Variants in ITCH observed in about 807,000 individuals in gnomAD.
ITCH encodes the protein E3 ubiquitin-protein ligase Itchy homolog.
In ITCH, 28 loss-of-function variants were observed where a neutral mutation model predicts 126.8. The ratio of observed to expected loss-of-function variants is 0.22; its 90% CI spans 0.16 to 0.30. The LOEUF is 0.30. Ranked by LOEUF, ITCH falls within the 10% of genes least tolerant of loss-of-function variation. The pLI is 1.00. For missense variants in ITCH, 631 were observed against 1,032.4 expected, an observed-to-expected ratio of 0.61 and a Z score of 5.33; for synonymous variants, 342 against 340.0, an observed-to-expected ratio of 1.01 and a Z score of -0.06.
At chr20:34,386,577 C>T (rs2038291880) in intron 2 of ITCH, among the ~76,000 whole-genome samples, 1 of 152,070 alleles carries the variant, frequency 6.6e-6, no homozygotes, top group Non-Finnish European at 1.5e-5. Flanking sequence ...AGCAGTTTTT[C>T]TCCTTAGTTT....
intron 20 of ITCH, among the ~76,000 whole-genome samples, chr20:34,488,446 G>T (rs1989285857): frequency 1.3e-5 from 2 of 152,096 alleles, no homozygotes; most frequent in Non-Finnish European, 2.9e-5. Flanking sequence ...TGGGCGTGGT[G>T]GTTCGTGCCT....
At chr20:34,450,521 G>T (rs1985065179) in intron 12 of ITCH, among the ~76,000 whole-genome samples, 1 of 152,192 alleles carries the variant, frequency 6.6e-6, no homozygotes, top group Non-Finnish European at 1.5e-5. Flanking sequence ...ACCCTACTAG[G>T]TTCTATTTTA....
chr20:34,364,879 A>T lies in ITCH; in HGVS notation c.-99+1530A>T, dbSNP rs188960915. Among the ~76,000 whole-genome samples the T allele has an allele frequency of 2.1e-3, 259 of 123,486 alleles. 9 individuals are homozygous for T. The highest frequency in any genetic ancestry group is 0.019 in the East Asian group (76 of 3,930). 81.0% of individuals were successfully genotyped at this position (123,486 alleles called of 152,430 possible). ...GCACTCCAGCCTGGGCGACAGAGCG[A>T]GACTCCGCCTCAAAAAAAAAAAAAA... On this transcript the variant is annotated intron_variant, in intron 1 of 24. Coordinates refer to ENST00000374864, the MANE Select transcript of ITCH (RefSeq NM_031483.7).
At chr20:34,383,818 C>G (rs1601768348) in intron 2 of ITCH, among the ~76,000 whole-genome samples, 1 of 149,776 alleles carries the variant, frequency 6.7e-6, no homozygotes, top group Admixed American at 6.7e-5. Flanking sequence ...CATGAGCCAC[C>G]AGGACTGGTC....
intron 2 of ITCH, among the ~76,000 whole-genome samples, chr20:34,391,952 A>G (rs1348775229): frequency 1.3e-5 from 2 of 152,320 alleles, no homozygotes; most frequent in South Asian, 4.1e-4. Flanking sequence ...TTTTCTTGCA[A>G]TAAATTATTA....
At chr20:34,439,013 C>T (rs1426161941) in intron 8 of ITCH, among the ~76,000 whole-genome samples, 1 of 152,046 alleles carries the variant, frequency 6.6e-6, no homozygotes, top group Non-Finnish European at 1.5e-5. Context: ...AACGAAAACC[C>T]AACAATGCTA....
intron 6 of ITCH, among the ~76,000 whole-genome samples, chr20:34,423,907 C>T (rs184260571): frequency 9.7e-4 from 148 of 152,246 alleles, no homozygotes; most frequent in Admixed American, 2.0e-3. Context: ...CTGGCTCCTC[C>T]AACACTGTTA....
At chr20:34,479,549 C>T (rs1600455205) in intron 17 of ITCH, 81 bp from the exon 18 acceptor site, 1 of 1,151,334 alleles carries the variant, frequency 8.7e-7, no homozygotes, top group East Asian at 2.4e-5. Flanking sequence ...GGGTATAGAT[C>T]CCTGAGAACT....
chr20:34,364,941 T>G (rs1238381672), intron 1 of ITCH, among the ~76,000 whole-genome samples: 4 of 147,316 alleles, frequency 2.7e-5, no homozygotes, highest in Non-Finnish European at 6.0e-5. Context: ...GGCTCACGCC[T>G]GTAATCCCAG....
At chr20:34,500,911 G>T (rs1990207421) in intron 23 of ITCH, among the ~76,000 whole-genome samples, 1 of 152,138 alleles carries the variant, frequency 6.6e-6, no homozygotes, top group Non-Finnish European at 1.5e-5. Context: ...CCAGATGTGG[G>T]AGTCCGTTGA....
intron 23 of ITCH, among the ~76,000 whole-genome samples, chr20:34,501,422 A>G (rs1020848900): frequency 1.1e-4 from 17 of 152,350 alleles, no homozygotes; most frequent in African/African-American, 4.1e-4. Context: ...AAGAAGTCAA[A>G]TATTTGTTCC....
intron 10 of ITCH, among the ~76,000 whole-genome samples, chr20:34,443,741 T>G (rs1457565148): frequency 6.6e-6 from 1 of 152,006 alleles, no homozygotes; most frequent in African/African-American, 2.4e-5. Flanking sequence ...TCCTAGCACT[T>G]TGGGGGGACA....
chr20:34,386,942 C>G (rs192649742), intron 2 of ITCH, among the ~76,000 whole-genome samples: 1 of 152,080 alleles, frequency 6.6e-6, no homozygotes, highest in East Asian at 1.9e-4. Context: ...GTTTTAGCAC[C>G]TTCTTTCTAT....
At chr20:34,462,070 A>G (rs779484967) in intron 13 of ITCH, 23 bp from the exon 14 acceptor site, 15 of 1,611,758 alleles carry the variant, frequency 9.3e-6, no homozygotes, top group Admixed American at 8.3e-5. Flanking sequence ...ATTTTTGTTT[A>G]TGTTTTTTCC....
chr20:34,504,042 G>C (rs1990465106), intron 23 of ITCH, among the ~76,000 whole-genome samples: 1 of 151,806 alleles, frequency 6.6e-6, no homozygotes, highest in Admixed American at 6.6e-5. Context: ...CACCACACTT[G>C]GCTAGTTTTT....
intron 15 of ITCH, among the ~76,000 whole-genome samples, chr20:34,471,098 A>G (rs1341036397): frequency 2.0e-5 from 3 of 152,176 alleles, no homozygotes; most frequent in Non-Finnish European, 4.4e-5. Context: ...ACTGTGATGA[A>G]TATTTTTACA....
At chr20:34,390,917 A>C (rs1262353265) in intron 2 of ITCH, among the ~76,000 whole-genome samples, 3 of 148,116 alleles carry the variant, frequency 2.0e-5, no homozygotes, top group African/African-American at 7.5e-5. Context: ...ACGCCCAGCT[A>C]ATTTTTTGTA....
intron 1 of ITCH, among the ~76,000 whole-genome samples, chr20:34,363,665 C>G (rs1277342389): frequency 6.6e-6 from 1 of 152,082 alleles, no homozygotes; most frequent in Non-Finnish European, 1.5e-5. Context: ...ACCGTCCGGC[C>G]CCTCGCCCCT....
chr20:34,435,951 A>G (rs1254273510), intron 7 of ITCH, among the ~76,000 whole-genome samples: 1 of 152,200 alleles, frequency 6.6e-6, no homozygotes, highest in Non-Finnish European at 1.5e-5. Flanking sequence ...TTTAGAGTTC[A>G]AGATCTAGGA....
Sources: gnomAD v4.1 joint callset for allele counts (sites outside exome capture counted in the v4.1 genomes callset) on GRCh38, gnomAD v4.1.1 for gene constraint, MANE v1.5 for transcripts, NCBI Gene and HGNC (gene_info 2026-07-23, HGNC 2026-07-21) for gene names.